The following TBL1X variants were observed in gnomAD, a reference collection of about 807,000 sequenced individuals.
The protein encoded by TBL1X is transducin beta like 1 X-linked.
Under a neutral mutation model 50.7 loss-of-function variants are expected in TBL1X, and 10 were observed. The observed-to-expected ratio is 0.20, with a 90% CI of 0.12 to 0.33. TBL1X has a LOEUF of 0.33. Ranked by LOEUF, TBL1X falls within the 10% of genes least tolerant of loss-of-function variation. The pLI is 1.00. For missense variants in TBL1X, 340 were observed against 504.4 expected (o/e 0.67, Z 3.12); for synonymous variants, 190 against 214.7 (o/e 0.88, Z 1.01).
intron 1 of TBL1X, among the ~76,000 whole-genome samples, chrX:9,494,091 G>C (rs902237961): frequency 4.5e-5 from 5 of 111,943 alleles, no homozygotes; most frequent in African/African-American, 1.6e-4. Flanking sequence ...TACCGCCACT[G>C]CCAGTGCTGA....
In TBL1X at chrX:9,689,182, G is replaced by A. The variant is rs942716895; in HGVS notation, c.616+907G>A. ...TCCTTATTTGAAAGTTGTTGCCCTCGGAGCAGCCATGCAGCCCAGCAGTCC... is the reference window on the plus strand; with the variant it reads ...TCCTTATTTGAAAGTTGTTGCCCTCAGAGCAGCCATGCAGCCCAGCAGTCC... On this transcript the variant is annotated intron_variant, in intron 7 of 17. Transcript: ENST00000645353. Among the ~76,000 whole-genome samples the A allele has an allele frequency of 5.3e-5, 6 of 112,789 alleles. No individual in the cohort carries two copies. The Admixed American group carries it at 5.6e-4, about 10-fold the overall frequency.
chrX:9,538,265 C>T (rs1317378928), intron 2 of TBL1X, among the ~76,000 whole-genome samples: 2 of 111,573 alleles, frequency 1.8e-5, no homozygotes, highest in East Asian at 2.8e-4. Context: ...AACCATGCTG[C>T]TCCCCATTTT....
chrX:9,715,036 G>GGT, intron 17 of TBL1X, 33 bp downstream of exon 17: 3 of 1,166,512 alleles, frequency 2.6e-6, no homozygotes, highest in Non-Finnish European at 3.5e-6. Context: ...TGGGGAGTGG[G>GGT]GTGTTGGGGG....
chrX:9,664,578 C>G (rs185552942), intron 5 of TBL1X, among the ~76,000 whole-genome samples: 25 of 111,292 alleles, frequency 2.2e-4, no homozygotes, highest in African/African-American at 7.5e-4. Flanking sequence ...GGGAAAAAGT[C>G]GGTGCATGGC....
At chrX:9,493,790 A>C (rs139481049) in intron 1 of TBL1X, among the ~76,000 whole-genome samples, 45 of 111,207 alleles carry the variant, frequency 4.0e-4, no homozygotes, top group African/African-American at 1.4e-3. Flanking sequence ...CAAAACAAAA[A>C]AAACCAAAAA....
At chrX:9,712,074 C>T (rs2083250926) in intron 16 of TBL1X, among the ~76,000 whole-genome samples, 1 of 112,501 alleles carries the variant, frequency 8.9e-6, no homozygotes, top group Admixed American at 9.4e-5. Context: ...GAAGGAGCCG[C>T]TGTCTTCTGT....
chrX:9,567,139 C>T (rs1165379506), intron 2 of TBL1X, among the ~76,000 whole-genome samples: 1 of 111,692 alleles, frequency 9.0e-6, no homozygotes, highest in Non-Finnish European at 1.9e-5. Context: ...TCTCAGCATC[C>T]TCTGCCAGGG....
intron 1 of TBL1X, among the ~76,000 whole-genome samples, chrX:9,492,838 GGTGTGT>G (rs774050435): frequency 0.015 from 855 of 56,932 alleles, 15 homozygotes; most frequent in Non-Finnish European, 0.021. Flanking sequence ...GGGGCTAGAG[GGTGTGT>G]GTGTGTGTGT....
intron 5 of TBL1X, 88 bp downstream of exon 5, chrX:9,654,410 T>TAGAAGAAGA: frequency 1.5e-5 from 12 of 825,092 alleles, no homozygotes; most frequent in South Asian, 5.1e-5. Context: ...AACCAGGCTG[T>TAGAAGAAGA]AGAAGAAGAA....
At chrX:9,598,403 G>C (rs994593401) in intron 2 of TBL1X, among the ~76,000 whole-genome samples, 10 of 112,009 alleles carry the variant, frequency 8.9e-5, no homozygotes, top group Admixed American at 4.7e-4. Flanking sequence ...TCATTACCCA[G>C]AAATGAAAAG....
At chrX:9,617,933 G>A (rs1467118596) in intron 2 of TBL1X, among the ~76,000 whole-genome samples, 4 of 111,431 alleles carry the variant, frequency 3.6e-5, no homozygotes, top group Non-Finnish European at 7.5e-5. Flanking sequence ...GATGGTTGTG[G>A]TGGGGCTGCC....
At chrX:9,472,604 A>C (rs1414122873) in intron 1 of TBL1X, among the ~76,000 whole-genome samples, 1 of 110,500 alleles carries the variant, frequency 9.0e-6, no homozygotes, top group Admixed American at 9.7e-5. Flanking sequence ...CATATACTTT[A>C]ATATGGCAAG....
At chrX:9,687,389 C>G (rs1290598241) in intron 6 of TBL1X, among the ~76,000 whole-genome samples, 1 of 112,210 alleles carries the variant, frequency 8.9e-6, no homozygotes, top group Non-Finnish European at 1.9e-5. Context: ...CTGTGTGCAT[C>G]TCATTTGGGC....
chrX:9,532,000 T>G (rs1422078888), intron 2 of TBL1X, among the ~76,000 whole-genome samples: 2 of 111,521 alleles, frequency 1.8e-5, no homozygotes, highest in East Asian at 5.7e-4. Context: ...CCTCCCAAAG[T>G]GCTGGGATTA....
chrX:9,557,311 G>A (rs1246577160), intron 2 of TBL1X, among the ~76,000 whole-genome samples: 1 of 112,361 alleles, frequency 8.9e-6, no homozygotes, highest in Non-Finnish European at 1.9e-5. Flanking sequence ...ACATATTTTC[G>A]AATGACGAGA....
At chrX:9,505,141 T>C (rs917344829) in intron 2 of TBL1X, among the ~76,000 whole-genome samples, 5 of 111,556 alleles carry the variant, frequency 4.5e-5, no homozygotes, top group South Asian at 3.8e-4. Flanking sequence ...CCAGAAGAGA[T>C]TGGGGGCCAA....
intron 2 of TBL1X, among the ~76,000 whole-genome samples, chrX:9,544,800 A>G (rs2082233422): frequency 9.0e-6 from 1 of 110,542 alleles, no homozygotes; most frequent in Non-Finnish European, 1.9e-5. Context: ...CCTTGACCTC[A>G]GGTGATCCAC....
At chrX:9,612,485 G>A (rs1476972592) in intron 2 of TBL1X, among the ~76,000 whole-genome samples, 1 of 111,975 alleles carries the variant, frequency 8.9e-6, no homozygotes, top group Non-Finnish European at 1.9e-5. Flanking sequence ...CTTTTTTACT[G>A]TGTATTAAAT....
chrX:9,711,915 G>A (rs952583571), intron 16 of TBL1X, 139 bp downstream of exon 16: 1 of 632,329 alleles, frequency 1.6e-6, no homozygotes, highest in Non-Finnish European at 2.2e-6. Context: ...AGTGGATGCT[G>A]TCCACGTGCA....
Sources: gnomAD v4.1 joint callset for allele counts (sites outside exome capture counted in the v4.1 genomes callset) on GRCh38, gnomAD v4.1.1 for gene constraint, MANE v1.5 for transcripts, NCBI Gene and HGNC (gene_info 2026-07-23, HGNC 2026-07-21) for gene names.